Variants in DACH2 observed in about 807,000 individuals in gnomAD.
The protein encoded by DACH2 is dachshund family transcription factor 2.
DACH2 carries 17 observed loss-of-function variants against 35.8 expected under a neutral mutation model. The ratio of observed to expected loss-of-function variants is 0.48; its 90% CI spans 0.33 to 0.71. The LOEUF (loss-of-function observed/expected upper bound fraction) is 0.71, where lower values mean the gene tolerates loss of function less well. DACH2 is among the 30% of genes least tolerant of loss of function. DACH2 has a pLI of 0.02. For missense variants in DACH2, 469 were observed against 472.7 expected, an observed-to-expected ratio of 0.99 and a Z score of 0.07; for synonymous variants, 195 against 177.3, an observed-to-expected ratio of 1.10 and a Z score of -0.79.
intron 2 of DACH2, among the ~76,000 whole-genome samples, chrX:86,419,904 A>G (rs1001512196): frequency 9.0e-6 from 1 of 111,703 alleles, no homozygotes; most frequent in Non-Finnish European, 1.9e-5. Context: ...TCTTGGTTCA[A>G]ATTCATGCAC....
At chrX:86,506,136 T>C (rs1038810279) in intron 2 of DACH2, among the ~76,000 whole-genome samples, 1 of 111,825 alleles carries the variant, frequency 8.9e-6, no homozygotes, top group Admixed American at 9.5e-5. Context: ...TCTAGGGTCT[T>C]ACAAGGCTGA....
At chrX:86,660,772 A>G (rs1323284212) in intron 4 of DACH2, among the ~76,000 whole-genome samples, 1 of 111,709 alleles carries the variant, frequency 9.0e-6, no homozygotes, top group Non-Finnish European at 1.9e-5. Flanking sequence ...AAAAATCAAA[A>G]TAATAGTAAT....
rs1556108950 is a variant in DACH2 at position 86,411,020 on chromosome X, T to TTTTATATATA, written c.527+34159_527+34160insTTATATATAT. On this transcript the variant is annotated intron_variant, in intron 2 of 11. Coordinates refer to ENST00000373125, the MANE Select transcript of DACH2 (RefSeq NM_053281.3). ...CTCTAGAGGGACAGAACTAATATGA[T>TTTTATATATA]TATATATATATATATATATGTATAT... Among the ~76,000 whole-genome samples, 10 of 40,528 alleles carry TTTTATATATA rather than the reference T, an allele frequency of 2.5e-4. 1 individual carries two copies. Among genetic ancestry groups the TTTTATATATA allele is most frequent in the African/African-American group, 8.3e-4 (9 of 10,807 alleles). 35.2% of individuals were successfully genotyped at this position (40,528 alleles called of 115,157 possible).
chrX:86,218,050 T>C (rs1182498088), intron 1 of DACH2, among the ~76,000 whole-genome samples: 1 of 111,676 alleles, frequency 9.0e-6, no homozygotes, highest in Non-Finnish European at 1.9e-5. Context: ...ACTCATTCTG[T>C]CTATTTACTT....
chrX:86,772,685 A>G (rs929256019), intron 7 of DACH2, among the ~76,000 whole-genome samples: 1 of 111,427 alleles, frequency 9.0e-6, no homozygotes, highest in Non-Finnish European at 1.9e-5. Context: ...CAGAGTTATT[A>G]TTCCCTTTTT....
At position 86,183,448 on chromosome X, in the gene DACH2, A is replaced by G. The variant is rs960713720; in HGVS notation, c.488+34340A>G. On this transcript the variant is annotated intron_variant, in intron 1 of 11. Coordinates refer to ENST00000373125, the MANE Select transcript of DACH2 (RefSeq NM_053281.3). Reference sequence around the variant, plus strand: ...CTAAGATAATCATGTGGTTTTTGTCATTGGTTCTGTTTATGTGATGGATTA... The same window carrying G: ...CTAAGATAATCATGTGGTTTTTGTCGTTGGTTCTGTTTATGTGATGGATTA... 4.5e-5 allele frequency among the ~76,000 whole-genome samples: 5 copies of G among 112,041 alleles called. 1 individual carries two copies. The highest frequency in any genetic ancestry group is 3.8e-4 in the Admixed American group (4 of 10,519).
At chrX:86,808,555 G>A (rs1036653642) in intron 7 of DACH2, among the ~76,000 whole-genome samples, 4 of 109,570 alleles carry the variant, frequency 3.7e-5, no homozygotes, top group African/African-American at 1.3e-4. Context: ...TTACACAGCA[G>A]TTGGTCATTT....
At chrX:86,712,945 A>G (rs2041295411) in intron 5 of DACH2, among the ~76,000 whole-genome samples, 1 of 111,456 alleles carries the variant, frequency 9.0e-6, no homozygotes, top group Non-Finnish European at 1.9e-5. Context: ...TCCTTATGTA[A>G]TTCTGATAAC....
chrX:86,311,388 C>T (rs979140106), intron 1 of DACH2, among the ~76,000 whole-genome samples: 1 of 112,036 alleles, frequency 8.9e-6, no homozygotes, highest in Non-Finnish European at 1.9e-5. Flanking sequence ...CCTGAAGCAG[C>T]TGGATTGATA....
chrX:86,474,123 G>T (rs2148225662), intron 2 of DACH2, among the ~76,000 whole-genome samples: 1 of 111,534 alleles, frequency 9.0e-6, no homozygotes, highest in East Asian at 2.8e-4. Flanking sequence ...GAATAATGTT[G>T]ACCACCTTTT....
intron 3 of DACH2, among the ~76,000 whole-genome samples, chrX:86,606,538 G>T (rs947617022): frequency 1.8e-5 from 2 of 110,178 alleles, no homozygotes; most frequent in Non-Finnish European, 3.8e-5. Flanking sequence ...TTCTTTTATT[G>T]TGGCCAGAGA....
intron 3 of DACH2, among the ~76,000 whole-genome samples, chrX:86,613,911 A>G (rs1188167852): frequency 8.9e-6 from 1 of 111,753 alleles, no homozygotes; most frequent in Admixed American, 9.6e-5. Flanking sequence ...ACTCTCATGT[A>G]CTTCATAAAG....
intron 1 of DACH2, among the ~76,000 whole-genome samples, chrX:86,287,541 T>A (rs6623622): frequency 0.43 from 47,560 of 110,359 alleles, 7,880 homozygotes; most frequent in East Asian, 0.54. Context: ...CTTTTGAGTC[T>A]ATATTCTAGA....
At position 86,562,948 on chromosome X, in the gene DACH2, C is replaced by T. The variant is rs907281455; in HGVS notation, c.640+48557C>T. 2.7e-5 allele frequency among the ~76,000 whole-genome samples: 3 copies of T among 111,175 alleles called. No individual in the cohort carries two copies. The South Asian group carries it at 1.1e-3, about 41-fold the overall frequency. ...CATAAATATGATTCTATAAACATTT[C>T]TCTTTATATTAGAAGGTAGAAATTG... On this transcript the variant is annotated intron_variant, in intron 3 of 11. Transcript: ENST00000373125.
At chrX:86,672,848 C>T (rs1276127610) in intron 4 of DACH2, among the ~76,000 whole-genome samples, 1 of 111,570 alleles carries the variant, frequency 9.0e-6, no homozygotes, top group Non-Finnish European at 1.9e-5. Context: ...GGCCACCATC[C>T]TCCAGACCCC....
chrX:86,298,850 T>C lies in DACH2; in HGVS notation c.489-77974T>C, dbSNP rs189187460. 5.0e-3 allele frequency among the ~76,000 whole-genome samples: 563 copies of C among 112,016 alleles called. 4 individuals carry two copies. The highest frequency in any genetic ancestry group is 0.017 in the African/African-American group (537 of 30,933). On this transcript the variant is annotated intron_variant, in intron 1 of 11. Coordinates refer to ENST00000373125, the MANE Select transcript of DACH2 (RefSeq NM_053281.3). ...ATATTTCTTTTTGTTTTTCTGCACCTTTTGTATATTACTAGATTTAAATAA... is the reference window on the plus strand; with the variant it reads ...ATATTTCTTTTTGTTTTTCTGCACCCTTTGTATATTACTAGATTTAAATAA...
At chrX:86,795,395 G>A (rs768306181) in intron 7 of DACH2, among the ~76,000 whole-genome samples, 5 of 109,902 alleles carry the variant, frequency 4.5e-5, no homozygotes, top group East Asian at 5.8e-4. Context: ...CACCACGCCC[G>A]GCCGATTTTT....
At chrX:86,527,524 G>T (rs183840274) in intron 3 of DACH2, among the ~76,000 whole-genome samples, 161 of 112,276 alleles carry the variant, frequency 1.4e-3, no homozygotes, top group Non-Finnish European at 9.4e-4. Context: ...TATAACAATA[G>T]TTCATTCATT....
At chrX:86,289,892 G>A (rs749908998) in intron 1 of DACH2, among the ~76,000 whole-genome samples, 1 of 108,828 alleles carries the variant, frequency 9.2e-6, no homozygotes, top group South Asian at 4.1e-4. Context: ...ACGTGTGCAT[G>A]TGTCTTTATA....
Sources: allele counts gnomAD v4.1 joint callset (sites outside exome capture counted in the v4.1 genomes callset), GRCh38; gene constraint gnomAD v4.1.1; transcripts MANE v1.5; gene names NCBI Gene and HGNC (gene_info 2026-07-23, HGNC 2026-07-21).